AKAP8L: variants seen among roughly 807,000 people sequenced by gnomAD.
The protein encoded by AKAP8L is A-kinase anchor protein 8-like.
In AKAP8L, 34 loss-of-function variants were observed where a neutral mutation model predicts 77.5. That is an observed-to-expected ratio of 0.44 (90% CI 0.33 to 0.58). The LOEUF is 0.58. Among genes scored for constraint, AKAP8L ranks in the 20% least tolerant of loss-of-function variants. AKAP8L has a pLI of 0.02. For missense variants in AKAP8L, 806 were observed against 887.6 expected (o/e 0.91, Z 1.17); for synonymous variants, 342 against 340.7 (o/e 1.00, Z -0.04).
rs981556319 is a variant in AKAP8L, at chr19:15,398,012, G to C, written c.1158-157C>G. On this transcript the variant is annotated intron_variant, in intron 9 of 13. Coordinates refer to ENST00000397410, the MANE Select transcript of AKAP8L (RefSeq NM_014371.4). The surrounding 1 kb of genome is among the most constrained non-coding windows in gnomAD (Gnocchi z 9.2). ...GGGACAGGCTGGGACCAGTGGGGTC[G>C]GGAGTAGAAAGGGCCAGAAAGTCTG... 1.1e-6 allele frequency: 1 copy of C among 906,338 alleles called. No homozygotes were observed. Among genetic ancestry groups the C allele is most frequent in the African/African-American group, 1.7e-5 (1 of 59,578 alleles). 56.1% of individuals were successfully genotyped at this position (906,338 alleles called of 1,614,324 possible). A position where few individuals can be genotyped will look rare whatever the true frequency, so the allele number is the denominator to read the frequency against.
chr19:15,414,433 A>G (rs1392405526), intron 1 of AKAP8L, among the ~76,000 whole-genome samples: 7 of 152,044 alleles, frequency 4.6e-5, no homozygotes, highest in Non-Finnish European at 2.9e-5. Flanking sequence ...AAAAAAATAA[A>G]ATATGCCCTA....
Position 15,401,635 on chromosome 19 carries a change from GCC to G in AKAP8L, c.363-34_363-33del. 6.6e-7 allele frequency: 1 copy of G among 1,504,336 alleles called. No homozygotes were observed. 93.2% of individuals were successfully genotyped at this position (1,504,336 alleles called of 1,614,324 possible). ...AGGCATGGGGTGAGCATCAGGTGGA[GCC>G]CCTCAGGATCCCTCACCTCCAGGCA... On this transcript the variant is annotated intron_variant, in intron 4 of 13. Coordinates refer to ENST00000397410, the MANE Select transcript of AKAP8L (RefSeq NM_014371.4). The surrounding 1 kb of genome is among the most constrained non-coding windows in gnomAD (Gnocchi z 6.2).
rs75188226 is a variant in AKAP8L, at chr19:15,382,737, T to C, written c.1537-2125A>G. Among the ~76,000 whole-genome samples, 694 of 152,328 alleles carry C rather than the reference T, an allele frequency of 4.6e-3. 6 individuals carry two copies. Among genetic ancestry groups the C allele is most frequent in the African/African-American group, 0.016 (660 of 41,574 alleles). ...GTCTCAGCTACTCTCATGAGGCTGA[T>C]GCAGGAGGATTGCTCAAGTTCAGGA... On this transcript the variant is annotated intron_variant, in intron 12 of 13. Transcript: ENST00000397410.
intron 1 of AKAP8L, among the ~76,000 whole-genome samples, chr19:15,410,798 G>A (rs1362690013): frequency 2.0e-5 from 3 of 152,046 alleles, no homozygotes; most frequent in Non-Finnish European, 2.9e-5. Flanking sequence ...GCTATACCAG[G>A]AGGACTAGAT....
At chr19:15,385,941 C>T (rs1383243134) in intron 12 of AKAP8L, among the ~76,000 whole-genome samples, 2 of 133,084 alleles carry the variant, frequency 1.5e-5, no homozygotes, top group Non-Finnish European at 3.1e-5. Context: ...TGAGGAGTCT[C>T]ACTCTGTTGC....
chr19:15,403,385 A>C lies in AKAP8L; in HGVS notation c.362+90T>G. ...ACCAAGCAGCGGGGAGGAAGCAGAC[A>C]CAGAGGGGCACTCAGAGAGGAAAAC... On this transcript the variant is annotated intron_variant, in intron 4 of 13. Transcript: ENST00000397410. This position sits in a 1 kb window ranked among gnomAD's most constrained non-coding sequence, Gnocchi z 4.3. 1 of 1,268,106 alleles carries C rather than the reference A, an allele frequency of 7.9e-7. No homozygotes were observed. Among genetic ancestry groups the C allele is most frequent in the Non-Finnish European group, 1.1e-6 (1 of 879,110 alleles). 78.6% of individuals were successfully genotyped at this position (1,268,106 alleles called of 1,614,324 possible).
chr19:15,413,647 C>T (rs1484662768), intron 1 of AKAP8L, among the ~76,000 whole-genome samples: 1 of 152,184 alleles, frequency 6.6e-6, no homozygotes. Context: ...GAAGAGTTCA[C>T]CCAGGGGAAA....
rs550706459 is a variant in AKAP8L at position 15,399,057 on chromosome 19, G to A, written c.1157+245C>T. The A allele has an allele frequency of 1.9e-4, 101 of 532,202 alleles. 2 individuals are homozygous for A. In the South Asian group the frequency reaches 2.0e-3, roughly 10 times the overall value. The allele number at this position is 532,202 out of a possible 1,614,324, so 33.0% of individuals were successfully genotyped here. A position where few individuals can be genotyped will look rare whatever the true frequency, so the allele number is the denominator to read the frequency against. ...CCTAGCGCCAGAGCTTCTGAGCAAC[G>A]GTGCCGAGCGGTGTCAGGTCTCGGC... On this transcript the variant is annotated intron_variant, in intron 9 of 13. Coordinates refer to ENST00000397410, the MANE Select transcript of AKAP8L (RefSeq NM_014371.4). The surrounding 1 kb of genome is among the most constrained non-coding windows in gnomAD (Gnocchi z 6.1).
Position 15,403,322 on chromosome 19 carries a change from C to T in AKAP8L, c.362+153G>A, listed in dbSNP as rs1220553243. The T allele has an allele frequency of 4.4e-6, 3 of 687,498 alleles. No homozygotes were observed. Among genetic ancestry groups the T allele is most frequent in the African/African-American group, 1.8e-5 (1 of 56,098 alleles). 42.6% of individuals were successfully genotyped at this position (687,498 alleles called of 1,614,324 possible). A position where few individuals can be genotyped will look rare whatever the true frequency, so the allele number is the denominator to read the frequency against. ...GGTGAGAGGAGACACAAGTCAGAGACGGGAAGTGCAACGGACCCTGCTGGG... is the reference window on the plus strand; with the variant it reads ...GGTGAGAGGAGACACAAGTCAGAGATGGGAAGTGCAACGGACCCTGCTGGG... On this transcript the variant is annotated intron_variant, in intron 4 of 13. Transcript: ENST00000397410. The surrounding 1 kb of genome is among the most constrained non-coding windows in gnomAD (Gnocchi z 4.3).
Position 15,397,597 on chromosome 19 carries a change from G to C in AKAP8L, c.1328C>G (p.Thr443Arg). The C allele has an allele frequency of 6.2e-7, 1 of 1,613,932 alleles. No homozygotes were observed. The highest frequency in any genetic ancestry group is 8.5e-7 in the Non-Finnish European group (1 of 1,179,884). Residue 443 changes from threonine to arginine, a missense_variant, in exon 11 of 14, where the codon ACA (threonine) becomes AGA (arginine). Physicochemically the swap from Thr to Arg is moderately conservative, Grantham distance 71. Transcript: ENST00000397410. This position sits in a 1 kb window ranked among gnomAD's most constrained non-coding sequence, Gnocchi z 4.7. ...QEYVTNKTKKTEELRKTVEDL... is the reference protein window; with the variant it reads ...QEYVTNKTKKREELRKTVEDL... ...CTCCACGGTTTTTCGGAGCTCCTCT[G>C]TCTTCTTGGTCTTGTTAGTGACGTA...
In AKAP8L at chr19:15,398,583, G is replaced by C; in HGVS notation, c.1157+719C>G. On this transcript the variant is annotated intron_variant, in intron 9 of 13. Coordinates refer to ENST00000397410, the MANE Select transcript of AKAP8L (RefSeq NM_014371.4). The surrounding 1 kb of genome is among the most constrained non-coding windows in gnomAD (Gnocchi z 9.2). ...GGCCGGAGCAGGCCGCCGTGGCAAG[G>C]GGCGGAGGAGGCCAGCCGCCACCGA... is the stretch of plus-strand genomic sequence containing the variant. The C allele has an allele frequency of 1.0e-6, 1 of 986,752 alleles. No individual in the cohort carries two copies. Among genetic ancestry groups the C allele is most frequent in the Non-Finnish European group, 1.2e-6 (1 of 830,820 alleles). 61.1% of individuals were successfully genotyped at this position (986,752 alleles called of 1,614,324 possible).
In AKAP8L at chr19:15,397,132, A is replaced by G. The variant is rs760143714; in HGVS notation, c.1536+18T>C. ...CAATCTACCCACAGGACAGAGGGAGAGCACTGTGGCCACTCACCCTGCGGT... is the reference window on the plus strand; with the variant it reads ...CAATCTACCCACAGGACAGAGGGAGGGCACTGTGGCCACTCACCCTGCGGT... On this transcript the variant is annotated intron_variant, in intron 12 of 13. Transcript: ENST00000397410. The surrounding 1 kb of genome is among the most constrained non-coding windows in gnomAD (Gnocchi z 4.7). 1.2e-6 allele frequency: 2 copies of G among 1,613,088 alleles called. No individual in the cohort carries two copies. The highest frequency in any genetic ancestry group is 2.2e-5 in the East Asian group (1 of 44,876).
In AKAP8L at chr19:15,403,145, C is replaced by T. The variant is rs372055735; in HGVS notation, c.362+330G>A. ...TGACACCACGCAGGAGGCAAAGTCT[C>T]GAGAGAATTCCAAATGGCTGTCCTT... On this transcript the variant is annotated intron_variant, in intron 4 of 13. Coordinates refer to ENST00000397410, the MANE Select transcript of AKAP8L (RefSeq NM_014371.4). This position sits in a 1 kb window ranked among gnomAD's most constrained non-coding sequence, Gnocchi z 4.3. 6.6e-6 allele frequency among the ~76,000 whole-genome samples: 1 copy of T among 152,130 alleles called. No individual in the cohort carries two copies. The highest frequency in any genetic ancestry group is 1.9e-4 in the East Asian group (1 of 5,190).
Position 15,418,924 on chromosome 19 carries a change from G to A in AKAP8L, c.-1C>T. 2 of 1,604,872 alleles carry A rather than the reference G, an allele frequency of 1.2e-6. No homozygotes were observed. The highest frequency in any genetic ancestry group is 2.2e-5 in the South Asian group (2 of 91,014). ...TGCCAGGCCCACCTGTGTAGCTCAT[G>A]GTGGCGGGCAACACAACATCCGACG... On this transcript the variant is annotated 5_prime_UTR_variant, in exon 1 of 14. Transcript: ENST00000397410.
chr19:15,409,567 T>C (rs764444128), intron 2 of AKAP8L, among the ~76,000 whole-genome samples: 2 of 152,164 alleles, frequency 1.3e-5, no homozygotes, highest in African/African-American at 2.4e-5. Context: ...TAAAAGAAAT[T>C]ACCCATCTCA....
intron 1 of AKAP8L, among the ~76,000 whole-genome samples, chr19:15,416,001 A>G (rs1053446797): frequency 1.3e-5 from 2 of 151,966 alleles, no homozygotes; most frequent in Admixed American, 1.3e-4. Flanking sequence ...TTTTATTTTT[A>G]ATTTTTATAG....
At chr19:15,396,386 C>A (rs1888913435) in intron 12 of AKAP8L, among the ~76,000 whole-genome samples, 1 of 152,050 alleles carries the variant, frequency 6.6e-6, no homozygotes, top group Admixed American at 6.5e-5. Context: ...TCCATTCAAT[C>A]AAAAAAACAC....
chr19:15,380,484 T>TG (rs774524128), intron 13 of AKAP8L, 33 bp downstream of exon 13: 1 of 1,613,338 alleles, frequency 6.2e-7, no homozygotes, highest in South Asian at 1.1e-5. Context: ...GGGACTAAGC[T>TG]GGGGACAGGG....
At position 15,403,752 on chromosome 19, in the gene AKAP8L, G is replaced by A. The variant is rs1295542978; in HGVS notation, c.122-37C>T. 4.0e-6 allele frequency: 6 copies of A among 1,485,330 alleles called. No individual in the cohort carries two copies. In the East Asian group the frequency reaches 1.5e-4, roughly 36 times the overall value. 92.0% of individuals were successfully genotyped at this position (1,485,330 alleles called of 1,614,324 possible). On this transcript the variant is annotated intron_variant, in intron 3 of 13. Transcript: ENST00000397410. This position sits in a 1 kb window ranked among gnomAD's most constrained non-coding sequence, Gnocchi z 4.3. ...GAGACAGAGACAGACAGATGGTGGG[G>A]GCAGGCAGAGGGGAGGCAGACAGAG...
Sources: gnomAD v4.1 joint callset for allele counts (sites outside exome capture counted in the v4.1 genomes callset) on GRCh38, gnomAD v4.1.1 for gene constraint, Gnocchi (gnomAD v3.1) non-coding constraint, MANE v1.5 for transcripts, NCBI Gene and HGNC (gene_info 2026-07-23, HGNC 2026-07-21) for gene names.